TMEM232: variants seen among roughly 807,000 people sequenced by gnomAD.
The protein encoded by TMEM232 is transmembrane protein 232.
A neutral mutation model predicts 78.8 loss-of-function variants in TMEM232; 80 were observed. The ratio of observed to expected loss-of-function variants is 1.01; its 90% confidence interval spans 0.85 to 1.22. TMEM232 has a LOEUF of 1.22. Ranked by LOEUF, TMEM232 falls within the 50% of genes most tolerant of loss-of-function variation. The probability of loss-of-function intolerance (pLI) is 0.00; values close to 1 mark genes in which losing one functional copy is unlikely to be tolerated. For synonymous variants in TMEM232, 297 were observed against 254.3 expected (o/e 1.17, Z -1.60); for missense variants, 881 against 742.2 (o/e 1.19, Z -2.17).
downstream of TMEM232, among the ~76,000 whole-genome samples, chr5:110,414,801 C>G (rs932660973): frequency 9.9e-5 from 15 of 152,110 alleles, no homozygotes; most frequent in African/African-American, 3.6e-4. Flanking sequence ...TAGATGGGAG[C>G]CCGTGTCCTT....
intron 10 of TMEM232, among the ~76,000 whole-genome samples, chr5:110,590,950 C>T (rs1779448686): frequency 6.6e-6 from 1 of 152,016 alleles, no homozygotes; most frequent in Admixed American, 6.6e-5. Context: ...GGAAACCGTC[C>T]TCATGATCTA....
Position 110,568,705 on chromosome 5 carries a change from C to T in TMEM232, c.1277-80G>A, listed in dbSNP as rs1019194168. The T allele has an allele frequency of 3.8e-6, 5 of 1,308,048 alleles. No individual in the cohort carries two copies. The African/African-American group carries it at 4.6e-5, about 12-fold the overall frequency. The allele number at this position is 1,308,048 out of a possible 1,614,324, so 81.0% of individuals were successfully genotyped here. On this transcript the variant is annotated intron_variant, in intron 10 of 13. Transcript: ENST00000455884. Reference sequence around the variant, plus strand: ...TATGATTGTGTGAAACAGAATAAACCAATTTTACTATAATTCATAATAATA... The same window carrying T: ...TATGATTGTGTGAAACAGAATAAACTAATTTTACTATAATTCATAATAATA...
chr5:110,519,513 A>T (rs923448493), intron 12 of TMEM232, among the ~76,000 whole-genome samples: 3 of 151,808 alleles, frequency 2.0e-5, no homozygotes, highest in Non-Finnish European at 4.4e-5. Flanking sequence ...ACACTTGTGG[A>T]TTGTTGGAAG....
At chr5:110,572,304 G>A (rs974179252) in intron 10 of TMEM232, among the ~76,000 whole-genome samples, 2 of 152,026 alleles carry the variant, frequency 1.3e-5, no homozygotes, top group Middle Eastern at 3.2e-3. Flanking sequence ...GCAAGACTGA[G>A]ATTGCTGATT....
intron 2 of TMEM232, among the ~76,000 whole-genome samples, chr5:110,661,754 A>G (rs930300994): frequency 6.6e-6 from 1 of 152,226 alleles, no homozygotes; most frequent in African/African-American, 2.4e-5. Context: ...ATGCTAATTT[A>G]CATTCCCACC....
At chr5:110,694,683 C>A (rs186918508) in intron 1 of TMEM232, among the ~76,000 whole-genome samples, 1 of 151,682 alleles carries the variant, frequency 6.6e-6, no homozygotes. Flanking sequence ...GACTTTAAAC[C>A]AACAAAGATC....
At chr5:110,543,261 C>T (rs181715790) in intron 11 of TMEM232, among the ~76,000 whole-genome samples, 3 of 152,238 alleles carry the variant, frequency 2.0e-5, no homozygotes, top group Admixed American at 2.0e-4. Context: ...ACCTCTTTCT[C>T]GGCAAAATGA....
intron 12 of TMEM232, among the ~76,000 whole-genome samples, chr5:110,516,180 A>T (rs1310606904): frequency 6.6e-6 from 1 of 152,134 alleles, no homozygotes; most frequent in Non-Finnish European, 1.5e-5. Flanking sequence ...CGGAGCTTGC[A>T]GTGAGCCGAG....
chr5:110,435,147 T>G (rs1020110079), intron 12 of TMEM232, among the ~76,000 whole-genome samples: 1 of 151,808 alleles, frequency 6.6e-6, no homozygotes, highest in African/African-American at 2.4e-5. Flanking sequence ...TCTCTTCACT[T>G]ATTGATATGA....
intron 12 of TMEM232, among the ~76,000 whole-genome samples, chr5:110,507,187 A>G (rs1257588963): frequency 6.6e-6 from 1 of 152,190 alleles, no homozygotes; most frequent in Admixed American, 6.5e-5. Context: ...TGAACAATAT[A>G]GGGGAAGGGG....
intron 10 of TMEM232, among the ~76,000 whole-genome samples, chr5:110,583,966 CAAAAA>C (rs60079206): frequency 1.0e-5 from 1 of 99,084 alleles, no homozygotes; most frequent in African/African-American, 3.6e-5. Flanking sequence ...TATCTATTAT[CAAAAA>C]AAAAAAAAAA....
chr5:110,445,664 A>C (rs1759568458), intron 12 of TMEM232, among the ~76,000 whole-genome samples: 1 of 152,176 alleles, frequency 6.6e-6, no homozygotes, highest in Non-Finnish European at 1.5e-5. Context: ...CCAAAGGTTG[A>C]AGTCAGGATG....
At chr5:110,684,135 A>T (rs1194093738) in intron 1 of TMEM232, among the ~76,000 whole-genome samples, 3 of 152,140 alleles carry the variant, frequency 2.0e-5, no homozygotes, top group African/African-American at 7.2e-5. Context: ...TGGAAGCTTT[A>T]TCTTAAAAGC....
At chr5:110,610,271 G>GGAGGAAGGGAGGAAGGGAGGAAGGAAGGA (rs1580352387) in intron 8 of TMEM232, among the ~76,000 whole-genome samples, 1 of 146,404 alleles carries the variant, frequency 6.8e-6, no homozygotes, top group East Asian at 2.1e-4. Flanking sequence ...AGGGAGGAAG[G>GGAGGAAGGGAGGAAGGGAGGAAGGAAGGA]TGGGTGGGTG....
At chr5:110,640,000 A>C (rs956463953) in intron 4 of TMEM232, among the ~76,000 whole-genome samples, 9 of 152,180 alleles carry the variant, frequency 5.9e-5, no homozygotes, top group African/African-American at 2.2e-4. Flanking sequence ...GAGACCCCTG[A>C]TTTAGACCAT....
At chr5:110,590,194 G>T (rs1779331808) in intron 10 of TMEM232, among the ~76,000 whole-genome samples, 1 of 152,082 alleles carries the variant, frequency 6.6e-6, no homozygotes, top group African/African-American at 2.4e-5. Flanking sequence ...TGAATTAATA[G>T]CCATTTGACT....
chr5:110,564,355 CAT>C (rs1302449334), intron 11 of TMEM232, among the ~76,000 whole-genome samples: 2 of 151,852 alleles, frequency 1.3e-5, no homozygotes, highest in Non-Finnish European at 2.9e-5. Context: ...ATGGAAAAAT[CAT>C]GTGTATTTTA....
chr5:110,426,780 T>C (rs2112649530), intron 12 of TMEM232, among the ~76,000 whole-genome samples: 1 of 152,124 alleles, frequency 6.6e-6, no homozygotes, highest in East Asian at 1.9e-4. Flanking sequence ...ATGTAGAGGC[T>C]GACAATTGGT....
Position 110,476,562 on chromosome 5 carries a change from T to C in TMEM232, c.1704-51646A>G, listed in dbSNP as rs532275462. ...TGATCCTGAAATATAGAGTTCATAA[T>C]AAAATTCCAAAAAAATGGATTTGTG... On this transcript the variant is annotated intron_variant, in intron 12 of 13. Transcript: ENST00000455884. Among the ~76,000 whole-genome samples the C allele has an allele frequency of 3.3e-5, 5 of 152,174 alleles. No individual in the cohort carries two copies. In the East Asian group the frequency reaches 7.7e-4, roughly 23 times the overall value.
Sources: gnomAD v4.1 joint callset for allele counts (sites outside exome capture counted in the v4.1 genomes callset) on GRCh38, gnomAD v4.1.1 for gene constraint, MANE v1.5 for transcripts, NCBI Gene and HGNC (gene_info 2026-07-23, HGNC 2026-07-21) for gene names.